SLC23A2: variants seen among roughly 807,000 people sequenced by gnomAD.
SLC23A2 encodes Na(+)/L-ascorbic acid transporter 2.
A neutral mutation model predicts 73.3 loss-of-function variants in SLC23A2; 36 were observed. The ratio of observed to expected loss-of-function variants is 0.49; its 90% CI spans 0.38 to 0.65. The LOEUF is 0.65. Ranked by LOEUF, SLC23A2 falls within the 30% of genes least tolerant of loss-of-function variation. SLC23A2 has a pLI of 0.00. For missense variants in SLC23A2, 507 were observed against 841.6 expected, an observed-to-expected ratio of 0.60 and a Z score of 4.92; for synonymous variants, 343 against 327.3, an observed-to-expected ratio of 1.05 and a Z score of -0.52.
chr20:4,901,953 C>T (rs1174216263), intron 5 of SLC23A2, among the ~76,000 whole-genome samples: 1 of 152,052 alleles, frequency 6.6e-6, no homozygotes, highest in Non-Finnish European at 1.5e-5. Flanking sequence ...TCTTTCTTTT[C>T]CCTGGTAATC....
chr20:4,981,078 T>C (rs1196049721), intron 1 of SLC23A2, among the ~76,000 whole-genome samples: 1 of 152,210 alleles, frequency 6.6e-6, no homozygotes, highest in Non-Finnish European at 1.5e-5. Context: ...TTCCTACATA[T>C]TCTTCTCAAT....
intron 5 of SLC23A2, among the ~76,000 whole-genome samples, chr20:4,900,415 T>C (rs939160778): frequency 4.6e-5 from 7 of 152,260 alleles, no homozygotes; most frequent in East Asian, 3.8e-4. Flanking sequence ...TGCTGAACTA[T>C]TCTTGCATGC....
intron 3 of SLC23A2, among the ~76,000 whole-genome samples, chr20:4,923,639 A>T (rs1023079660): frequency 4.6e-5 from 7 of 152,130 alleles, no homozygotes; most frequent in African/African-American, 1.7e-4. Context: ...CAGAAAGAAC[A>T]TTTTCCCAGA....
chr20:4,999,189 G>A (rs558471519), intron 1 of SLC23A2, among the ~76,000 whole-genome samples: 2 of 152,180 alleles, frequency 1.3e-5, no homozygotes, highest in African/African-American at 4.8e-5. Context: ...TCCCCAAATA[G>A]ATCCCTGGTT....
At chr20:4,925,091 G>A (rs1035529023) in intron 3 of SLC23A2, among the ~76,000 whole-genome samples, 1 of 152,056 alleles carries the variant, frequency 6.6e-6, no homozygotes, top group Non-Finnish European at 1.5e-5. Flanking sequence ...GCTGAGGTGG[G>A]AGGATGGCTT....
chr20:5,001,349 C>T (rs1179221022), intron 1 of SLC23A2, 57 bp downstream of exon 1: 1 of 146,454 alleles, frequency 6.8e-6, no homozygotes, highest in African/African-American at 2.4e-5. Context: ...ACCTCGCGGC[C>T]CCGCCGGCAG....
rs778058246 is a variant in SLC23A2 at position 4,874,704 on chromosome 20, G to C, written c.825-8C>G. The C allele has an allele frequency of 1.9e-6, 3 of 1,576,466 alleles. No individual in the cohort carries two copies. The South Asian group carries it at 3.5e-5, about 18-fold the overall frequency. On this transcript the variant is annotated splice_region_variant and splice_polypyrimidine_tract_variant and intron_variant, in intron 9 of 16. Transcript: ENST00000338244. ...AATACTAGGAATATTGTCCTGAGGA[G>C]AGAAAGAAAACAAACTAGGTCAAAA...
At chr20:4,954,503 C>T (rs1293078760) in intron 2 of SLC23A2, among the ~76,000 whole-genome samples, 2 of 152,002 alleles carry the variant, frequency 1.3e-5, no homozygotes, top group African/African-American at 4.8e-5. Context: ...TTGAGACCAG[C>T]CTGGCCAACA....
At chr20:4,859,243 T>TA (rs781271986) in intron 16 of SLC23A2, 46 bp downstream of exon 16, 39,369 of 1,065,842 alleles carry the variant, frequency 0.037, 1,041 homozygotes, top group African/African-American at 0.18. Context: ...AACACATATG[T>TA]TAAAAAATAA....
At chr20:4,994,675 C>T (rs368622156) in intron 1 of SLC23A2, among the ~76,000 whole-genome samples, 28 of 152,050 alleles carry the variant, frequency 1.8e-4, no homozygotes, top group African/African-American at 5.5e-4. Context: ...GCAGAAGAAT[C>T]GCTTGAACCC....
At chr20:4,961,135 T>G in intron 2 of SLC23A2, among the ~76,000 whole-genome samples, 1 of 145,952 alleles carries the variant, frequency 6.9e-6, no homozygotes, top group African/African-American at 2.5e-5. Flanking sequence ...TGAGACGGAG[T>G]CTCGCTCTGT....
In SLC23A2 at chr20:4,883,770, G is replaced by A. The variant is rs143286940; in HGVS notation, c.696C>T (p.Leu232=). The change falls in exon 9 of 17, where the codon CTC becomes CTT. Residue 232 remains leucine (L), a synonymous_variant. Transcript: ENST00000338244. The surrounding 1 kb of genome is among the most constrained non-coding windows in gnomAD (Gnocchi z 4.5). Reference sequence around the variant, plus strand: ...ACTTCAGTAGAGCCCCAGGCAGGCCGAGGAGGCCGATGACTACTTCTATCA... The same window carrying A: ...ACTTCAGTAGAGCCCCAGGCAGGCCAAGGAGGCCGATGACTACTTCTATCA... The part of the protein sequence containing the change: ...SSLIEVVIGL[L]GLPGALLKYI... The A allele has an allele frequency of 1.8e-4, 294 of 1,613,626 alleles. No homozygotes were observed. The highest frequency in any genetic ancestry group is 1.4e-3 in the African/African-American group (102 of 75,002).
intron 3 of SLC23A2, among the ~76,000 whole-genome samples, chr20:4,915,353 T>A (rs77916149): frequency 0.013 from 2,013 of 151,616 alleles, 38 homozygotes; most frequent in African/African-American, 0.046. Flanking sequence ...ATGGATAATT[T>A]AAAAAAAAAG....
chr20:5,001,332 G>A (rs1412893578), intron 1 of SLC23A2, 74 bp downstream of exon 1: 1 of 146,448 alleles, frequency 6.8e-6, no homozygotes, highest in Non-Finnish European at 1.5e-5. Flanking sequence ...TCGTGGGCGC[G>A]GCGAGCACCT....
intron 2 of SLC23A2, among the ~76,000 whole-genome samples, chr20:4,937,910 T>C (rs1276144048): frequency 6.6e-6 from 1 of 152,084 alleles, no homozygotes; most frequent in Non-Finnish European, 1.5e-5. Flanking sequence ...CCACCCTCCT[T>C]GGACTAGGAA....
intron 1 of SLC23A2, among the ~76,000 whole-genome samples, chr20:5,006,986 C>T (rs1002268965): frequency 6.6e-6 from 1 of 150,450 alleles, no homozygotes; most frequent in South Asian, 2.1e-4. Context: ...TGCGTGCGTG[C>T]GTGTTCAATG....
At chr20:4,861,662 T>C (rs1470360974) in intron 15 of SLC23A2, among the ~76,000 whole-genome samples, 5 of 152,288 alleles carry the variant, frequency 3.3e-5, no homozygotes, top group South Asian at 4.1e-4. Context: ...TCTATTAAGA[T>C]AGACTAATGA....
chr20:4,989,037 G>C (rs1039077344), intron 1 of SLC23A2, among the ~76,000 whole-genome samples: 1 of 151,848 alleles, frequency 6.6e-6, no homozygotes, highest in African/African-American at 2.4e-5. Context: ...GAGGGAGTTC[G>C]AGACCAGCCT....
Position 4,884,838 on chromosome 20 carries a change from CAA to C in SLC23A2, c.572-17_572-16del. 6.6e-7 allele frequency: 1 copy of C among 1,523,658 alleles called. No individual in the cohort carries two copies. Among genetic ancestry groups the C allele is most frequent in the Non-Finnish European group, 8.9e-7 (1 of 1,129,876 alleles). The allele number at this position is 1,523,658 out of a possible 1,614,324, so 94.4% of individuals were successfully genotyped here. On this transcript the variant is annotated splice_polypyrimidine_tract_variant and intron_variant, in intron 7 of 16. Transcript: ENST00000338244. ...AACTGAAACATCTTGAAAACAAAAA[CAA>C]AGTTTTTCTTGGAGTGACACTGATG...
Sources: allele counts gnomAD v4.1 joint callset (sites outside exome capture counted in the v4.1 genomes callset), GRCh38; gene constraint gnomAD v4.1.1; non-coding constraint Gnocchi (gnomAD v3.1); transcripts MANE v1.5; gene names NCBI Gene and HGNC (gene_info 2026-07-23, HGNC 2026-07-21).